The following UXT variants were observed in gnomAD, a reference collection of about 807,000 sequenced individuals.
The protein encoded by UXT is ubiquitously expressed prefoldin like chaperone, also known as protein UXT.
For synonymous variants in UXT, 54 were observed against 52.8 expected (o/e 1.02, Z -0.10); for missense variants, 111 against 132.7 (o/e 0.84, Z 0.80).
Position 47,657,223 on chromosome X carries a change from C to T in UXT, c.352G>A (p.Ala118Thr). The T allele has an allele frequency of 8.3e-7, 1 of 1,207,936 alleles. No individual in the cohort carries two copies. Among genetic ancestry groups the T allele is most frequent in the Non-Finnish European group, 1.1e-6 (1 of 893,530 alleles). ...CTCTTACGATCAATGAACTTGAGAG[C>T]TTCTGCCAGTGTCAACTCCAGGAAA... is the stretch of plus-strand genomic sequence containing the variant. The change falls in exon 4 of 6, where the codon GCT becomes ACT. Residue 118 changes from alanine (A) to threonine (T), a missense_variant. Ala to Thr is a moderately conservative substitution (Grantham distance 58). Transcript: ENST00000335890.
chrX:47,658,889 C>T lies in UXT; in HGVS notation c.75G>A (p.Thr25=). Residue 25 remains threonine (T), a synonymous_variant, in exon 1 of 6, where the codon ACG becomes ACA. Transcript: ENST00000335890. ...TCTCGTAGCGCAGCACTTTCTCCCCCGTGGCCTCCACCGCCCGCCGCTTAG... is the reference window on the plus strand; with the variant it reads ...TCTCGTAGCGCAGCACTTTCTCCCCTGTGGCCTCCACCGCCCGCCGCTTAG... 1 of 1,179,990 alleles carries T rather than the reference C, an allele frequency of 8.5e-7. No individual in the cohort carries two copies. The highest frequency in any genetic ancestry group is 1.7e-5 in the African/African-American group (1 of 57,335).
At position 47,651,853 on chromosome X, in the gene UXT, G is replaced by C. The variant is rs751247841; in HGVS notation, c.499C>G (p.Pro167Ala). ...ATGGGGGGAAGAAGTCAATGGTGAG[G>C]CTTCTCTGGGAAATTCTGCAGGCCT... The change falls in exon 6 of 6, where the codon CCT (proline) becomes GCT (alanine). Residue 167 changes from proline to alanine, a missense_variant. Physicochemically the swap from Pro to Ala is conservative, Grantham distance 27. Transcript: ENST00000335890. The C allele has an allele frequency of 2.5e-6, 3 of 1,211,294 alleles. No individual in the cohort carries two copies. Among genetic ancestry groups the C allele is most frequent in the Middle Eastern group, 2.3e-4 (1 of 4,310 alleles).
chrX:47,654,211 T>C (rs1411679161), intron 4 of UXT: 13 of 294,838 alleles, frequency 4.4e-5, no homozygotes, highest in Non-Finnish European at 5.3e-5. Flanking sequence ...GGTTATGCTT[T>C]TTTTTTTTTT....
chrX:47,657,744 C>T, intron 2 of UXT, 38 bp downstream of exon 3: 1 of 1,187,814 alleles, frequency 8.4e-7, no homozygotes, highest in Non-Finnish European at 1.1e-6. Flanking sequence ...CTTGCCCACA[C>T]ATACCAAAAA....
intron 4 of UXT, 51 bp downstream of exon 5, chrX:47,657,132 G>A: frequency 2.0e-6 from 2 of 1,000,482 alleles, no homozygotes; most frequent in Non-Finnish European, 2.8e-6. Context: ...AGGGAGAAGA[G>A]TGTTGGAAAT....
chrX:47,657,171 G>C lies in UXT; in HGVS notation c.392+12C>G. On this transcript the variant is annotated intron_variant, in intron 4 of 5. Transcript: ENST00000335890. ...GGTGTTTTTACACACTATCCTCATG[G>C]AATGGACTTACTCTGTGAGGAGAGA... The C allele has an allele frequency of 2.6e-6, 3 of 1,173,870 alleles. No homozygotes were observed. Among genetic ancestry groups the C allele is most frequent in the Middle Eastern group, 2.4e-4 (1 of 4,246 alleles).
intron 4 of UXT, among the ~76,000 whole-genome samples, 187 bp from the exon 6 acceptor site, chrX:47,652,331 AT>A (rs1284087801): frequency 8.9e-6 from 1 of 112,385 alleles, no homozygotes; most frequent in Non-Finnish European, 1.9e-5. Context: ...ATGCCAGGCA[AT>A]TTTAGGCACT....
chrX:47,657,969 G>T, intron 1 of UXT, 106 bp from the exon 3 acceptor site: 1 of 606,763 alleles, frequency 1.6e-6, no homozygotes, highest in Non-Finnish European at 2.3e-6. Flanking sequence ...CACTGAAAAG[G>T]CTTTTTAGTG....
rs2058093805 is a variant in UXT, at chrX:47,658,942, G to T, written c.22C>A (p.Pro8Thr). Residue 8 changes from proline to threonine, a missense_variant, in exon 1 of 6, where the codon CCC becomes ACC. Physicochemically the swap from Pro to Thr is conservative, Grantham distance 38. Transcript: ENST00000335890. ...GGCGTCGCCATGATGGGCTCCTGGG[G>T]AGTGGGGAGGGGGAAGACCATGTTG... The T allele has an allele frequency of 1.7e-6, 2 of 1,207,499 alleles. No individual in the cohort carries two copies. Among genetic ancestry groups the T allele is most frequent in the African/African-American group, 1.7e-5 (1 of 57,526 alleles).
chrX:47,652,110 T>C lies in UXT; in HGVS notation c.427A>G (p.Ile143Val), dbSNP rs1269416077. The change falls in exon 5 of 6, where the codon ATC becomes GTC. Residue 143 changes from isoleucine to valine, a missense_variant. Ile to Val is a conservative substitution (Grantham distance 29). Transcript: ENST00000335890. Reference sequence around the variant, plus strand: ...AGCAACATGTGGATATGGGCTTTGATATTCATGGAGTCCTTGGTGAGGCTG... The same window carrying C: ...AGCAACATGTGGATATGGGCTTTGACATTCATGGAGTCCTTGGTGAGGCTG... 1 of 1,209,363 alleles carries C rather than the reference T, an allele frequency of 8.3e-7. No homozygotes were observed. Among genetic ancestry groups the C allele is most frequent in the Non-Finnish European group, 1.1e-6 (1 of 894,244 alleles).
chrX:47,652,065 G>T lies in UXT; in HGVS notation c.456+16C>A. 1 of 1,207,030 alleles carries T rather than the reference G, an allele frequency of 8.3e-7. No individual in the cohort carries two copies. The highest frequency in any genetic ancestry group is 1.1e-6 in the Non-Finnish European group (1 of 892,420). The stretch of plus-strand genomic sequence containing the variant: ...CCCTAAACACAGAGTCTGGTAGTGG[G>T]GTGAGCTGCTCTCACCTCTAGCAAC... On this transcript the variant is annotated intron_variant, in intron 5 of 5. Coordinates refer to ENST00000335890, the MANE Select transcript of UXT (RefSeq NM_153477.3).
At chrX:47,653,398 G>C (rs942975950) in intron 4 of UXT, among the ~76,000 whole-genome samples, 37 of 111,688 alleles carry the variant, frequency 3.3e-4, no homozygotes, top group African/African-American at 1.2e-3. Context: ...ATCCACTTCA[G>C]TGTTTAATAA....
At chrX:47,652,730 G>A (rs1051705426) in intron 4 of UXT, among the ~76,000 whole-genome samples, 10 of 110,145 alleles carry the variant, frequency 9.1e-5, no homozygotes, top group Non-Finnish European at 1.9e-4. Context: ...AAGGGGGAAT[G>A]TAAGAGGTGA....
Position 47,657,438 on chromosome X carries a change from C to G in UXT, c.284+134G>C. On this transcript the variant is annotated intron_variant, in intron 3 of 5. Transcript: ENST00000335890. The stretch of plus-strand genomic sequence containing the variant: ...TTATTCACTGTCACATCCCCAGCAC[C>G]TAGCTTATATCCTACTGGGATATAA... 10 of 798,893 alleles carry G rather than the reference C, an allele frequency of 1.3e-5. No homozygotes were observed. In the East Asian group the frequency reaches 3.4e-4, roughly 28 times the overall value. The allele number at this position is 798,893 out of a possible 1,213,427, so 65.8% of individuals were successfully genotyped here. A position where few individuals can be genotyped will look rare whatever the true frequency, so the allele number is the denominator to read the frequency against.
intron 4 of UXT, among the ~76,000 whole-genome samples, chrX:47,654,642 A>C (rs2058078359): frequency 8.9e-6 from 1 of 112,386 alleles, no homozygotes; most frequent in Non-Finnish European, 1.9e-5. Flanking sequence ...GAACAGGAAG[A>C]ACTGACACTT....
chrX:47,653,927 G>T, intron 4 of UXT: 1 of 160,788 alleles, frequency 6.2e-6, no homozygotes, highest in Non-Finnish European at 1.0e-5. Context: ...AGAATATTCT[G>T]GGGGTAATGC....
intron 4 of UXT, chrX:47,654,202 G>A (rs1182253816): frequency 2.6e-6 from 1 of 381,574 alleles, no homozygotes; most frequent in African/African-American, 3.3e-5. Flanking sequence ...TAGTCATATG[G>A]TTATGCTTTT....
intron 4 of UXT, among the ~76,000 whole-genome samples, chrX:47,656,607 G>A (rs912717577): frequency 9.0e-5 from 10 of 111,452 alleles, no homozygotes; most frequent in African/African-American, 2.6e-4. Flanking sequence ...TAAGCAAGAC[G>A]AGTGAGTGAG....
At chrX:47,655,071 G>A (rs904073153) in intron 4 of UXT, among the ~76,000 whole-genome samples, 6 of 112,013 alleles carry the variant, frequency 5.4e-5, no homozygotes, top group South Asian at 3.7e-4. Flanking sequence ...ATCTGAGGTC[G>A]GAGTTTGAGA....
Sources: allele counts gnomAD v4.1 joint callset (sites outside exome capture counted in the v4.1 genomes callset), GRCh38; gene constraint gnomAD v4.1.1; transcripts MANE v1.5; gene names NCBI Gene and HGNC (gene_info 2026-07-23, HGNC 2026-07-21).